ANXA11: variants seen among roughly 807,000 people sequenced by gnomAD.
ANXA11 encodes the protein annexin A11.
In ANXA11, 57 loss-of-function variants were observed where a neutral mutation model predicts 64.7. The observed-to-expected ratio is 0.88, with a 90% CI of 0.71 to 1.10. The LOEUF (loss-of-function observed/expected upper bound fraction) is 1.10. Among genes scored for constraint, ANXA11 ranks in the 50% least tolerant of loss-of-function variants. ANXA11 has a pLI of 0.00. For missense variants in ANXA11, 675 were observed against 670.7 expected (o/e 1.01, Z -0.07); for synonymous variants, 260 against 265.2 (o/e 0.98, Z 0.19).
chr10:80,170,943 C>T (rs760613672), intron 3 of ANXA11, 28 bp from the exon 4 acceptor site: 17 of 1,567,050 alleles, frequency 1.1e-5, no homozygotes, highest in African/African-American at 1.4e-5. Context: ...CCCTTTAGCC[C>T]CCTGCCAGTC....
intron 8 of ANXA11, among the ~76,000 whole-genome samples, chr10:80,164,969 C>T (rs1845666891): frequency 6.6e-6 from 1 of 152,224 alleles, no homozygotes; most frequent in South Asian, 2.1e-4. Context: ...GAGACAGCAT[C>T]CACTGTCCCC....
At position 80,166,882 on chromosome 10, in the gene ANXA11, C is replaced by A. The variant is rs761487486; in HGVS notation, c.744+8G>T. On this transcript the variant is annotated splice_region_variant and intron_variant, in intron 7 of 15. Coordinates refer to ENST00000422982, the MANE Select transcript of ANXA11 (RefSeq NM_145868.2). ...CTCACTGTCCCGCGCCCCCACCCCG[C>A]AGCTCGCCTTGCCGTAAGCCGTCTT... 1.9e-6 allele frequency: 3 copies of A among 1,598,802 alleles called. No individual in the cohort carries two copies. In the African/African-American group the frequency reaches 4.0e-5, roughly 21 times the overall value.
rs541062920 is a variant in ANXA11, at chr10:80,163,367, G to A, written c.1068C>T (p.Leu356=). ...CACTCACCTGGGCATCTCTCTGGGC[G>A]AGTGACATGTCCACGTTTGTGCTTT... ...RDESTNVDMS[L]AQRDAQELYA... The change falls in exon 11 of 16, where the codon CTC becomes CTT. Residue 356 remains leucine, a synonymous_variant. Transcript: ENST00000422982. 6.6e-5 allele frequency: 106 copies of A among 1,613,584 alleles called. No homozygotes were observed. In the Admixed American group the frequency reaches 8.3e-4, roughly 13 times the overall value.
intron 2 of ANXA11, among the ~76,000 whole-genome samples, chr10:80,173,351 A>G (rs1846051631): frequency 6.6e-6 from 1 of 152,012 alleles, no homozygotes; most frequent in South Asian, 2.1e-4. Flanking sequence ...TCATTCTCCA[A>G]CCTCTGGTTC....
intron 1 of ANXA11, among the ~76,000 whole-genome samples, chr10:80,190,484 A>ATTTTTTT (rs34704342): frequency 1.6e-5 from 2 of 127,500 alleles, no homozygotes; most frequent in Non-Finnish European, 1.6e-5. Context: ...TTTACAATAA[A>ATTTTTTT]TTTTTTTTTT....
At chr10:80,178,140 C>G (rs967692890) in intron 1 of ANXA11, among the ~76,000 whole-genome samples, 1 of 152,082 alleles carries the variant, frequency 6.6e-6, no homozygotes, top group Non-Finnish European at 1.5e-5. Flanking sequence ...CTCGGGTCCC[C>G]CTCCCTAGCC....
intron 1 of ANXA11, among the ~76,000 whole-genome samples, chr10:80,203,961 C>T (rs1840561420): frequency 6.6e-6 from 1 of 152,240 alleles, no homozygotes; most frequent in Non-Finnish European, 1.5e-5. Flanking sequence ...GCCTCACACA[C>T]TTTATGGCTA....
chr10:80,157,261 A>G, intron 15 of ANXA11: 1 of 985,458 alleles, frequency 1.0e-6, no homozygotes, highest in Non-Finnish European at 1.2e-6. Context: ...CCTACGCCAT[A>G]AAGCTGAGTG....
At chr10:80,165,978 A>C (rs1165697107) in intron 8 of ANXA11, 106 bp downstream of exon 8, 1 of 674,532 alleles carries the variant, frequency 1.5e-6, no homozygotes, top group Non-Finnish European at 2.5e-6. Flanking sequence ...AGAACACAGC[A>C]CGCCATCCAG....
chr10:80,188,809 G>A (rs1346191841), intron 1 of ANXA11, among the ~76,000 whole-genome samples: 1 of 152,158 alleles, frequency 6.6e-6, no homozygotes, highest in African/African-American at 2.4e-5. Flanking sequence ...GCCAGGCTCT[G>A]ACATTTCGAG....
chr10:80,198,518 C>T (rs1042980993), intron 1 of ANXA11, among the ~76,000 whole-genome samples: 3 of 152,232 alleles, frequency 2.0e-5, no homozygotes, highest in Non-Finnish European at 2.9e-5. Context: ...AAGCAATTAA[C>T]GTGCTCAGGT....
chr10:80,165,229 T>C (rs982080080), intron 8 of ANXA11, among the ~76,000 whole-genome samples: 3 of 152,152 alleles, frequency 2.0e-5, no homozygotes, highest in African/African-American at 7.2e-5. Context: ...CACACTGAAG[T>C]CTCTGCTTCT....
At chr10:80,172,974 G>A in intron 2 of ANXA11, 105 bp from the exon 3 acceptor site, 1 of 964,772 alleles carries the variant, frequency 1.0e-6, no homozygotes, top group Non-Finnish European at 1.6e-6. Context: ...CTGGGACCCT[G>A]CAGAAGAAAC....
In ANXA11 at chr10:80,163,521, G is replaced by A. The variant is rs543561674; in HGVS notation, c.1029+13C>T. The stretch of plus-strand genomic sequence containing the variant: ...TGGCTTGGGGGCCCCGAGCCCTGTC[G>A]TGGGAAAAGTACCTGAGAGAGAGAG... On this transcript the variant is annotated intron_variant, in intron 10 of 15. Coordinates refer to ENST00000422982, the MANE Select transcript of ANXA11 (RefSeq NM_145868.2). 4.4e-6 allele frequency: 7 copies of A among 1,589,072 alleles called. No individual in the cohort carries two copies. The highest frequency in any genetic ancestry group is 2.7e-5 in the African/African-American group (2 of 74,460).
intron 1 of ANXA11, among the ~76,000 whole-genome samples, chr10:80,182,028 A>C (rs1346860529): frequency 6.6e-6 from 1 of 152,234 alleles, no homozygotes; most frequent in East Asian, 1.9e-4. Flanking sequence ...ACAATTTGGA[A>C]GCACCCAAGG....
In ANXA11 at chr10:80,155,874, C is replaced by G; in HGVS notation, c.1497G>C (p.Lys499Asn). 6.2e-7 allele frequency: 1 copy of G among 1,614,238 alleles called. No individual in the cohort carries two copies. The highest frequency in any genetic ancestry group is 8.5e-7 in the Non-Finnish European group (1 of 1,180,032). The change falls in exon 16 of 16, where the codon AAG (lysine) becomes AAC (asparagine). Residue 499 changes from lysine (K) to asparagine (N), a missense_variant. Lys to Asn is a moderately conservative substitution (Grantham distance 94, BLOSUM62 0). Transcript: ENST00000422982. Reference sequence around the variant, plus strand: ...CTGTTCAGTCATTGCCACCACAGATCTTCAGCAGAATCTTCCGGTAATCCC... The same window carrying G: ...CTGTTCAGTCATTGCCACCACAGATGTTCAGCAGAATCTTCCGGTAATCCC... ...TSGDYRKILL[K>N]ICGGND
intron 5 of ANXA11, among the ~76,000 whole-genome samples, chr10:80,168,109 G>A (rs1436240184): frequency 1.3e-5 from 2 of 149,636 alleles, no homozygotes; most frequent in Non-Finnish European, 3.0e-5. Flanking sequence ...CTGGCTGGTT[G>A]GGCCACAGAA....
chr10:80,161,828 A>G, intron 12 of ANXA11, 107 bp downstream of exon 12: 1 of 964,602 alleles, frequency 1.0e-6, no homozygotes, highest in Non-Finnish European at 1.6e-6. Context: ...AGGAGGCGAA[A>G]GCCCCACGCA....
At chr10:80,199,247 G>A (rs536778265) in intron 1 of ANXA11, among the ~76,000 whole-genome samples, 3 of 152,002 alleles carry the variant, frequency 2.0e-5, no homozygotes, top group South Asian at 2.1e-4. Context: ...ATAGGCGCCC[G>A]CTACCACGCC....
Sources: allele counts gnomAD v4.1 joint callset (sites outside exome capture counted in the v4.1 genomes callset), GRCh38; gene constraint gnomAD v4.1.1; transcripts MANE v1.5; gene names NCBI Gene and HGNC (gene_info 2026-07-23, HGNC 2026-07-21).